Variants in CEP120 observed in about 807,000 individuals in gnomAD.
CEP120 encodes the protein centrosomal protein 120.
Under a neutral mutation model 126.5 loss-of-function variants are expected in CEP120, and 113 were observed. The ratio of observed to expected loss-of-function variants is 0.89; its 90% CI spans 0.77 to 1.04. CEP120 has a LOEUF of 1.04. CEP120 is among the 50% of genes least tolerant of loss of function. The pLI, the probability that CEP120 is intolerant of heterozygous loss-of-function variation, is 0.00. For synonymous variants in CEP120, 400 were observed against 394.3 expected (o/e 1.01, Z -0.17); for missense variants, 1,230 against 1,155.7 (o/e 1.06, Z -0.93).
intron 18 of CEP120, among the ~76,000 whole-genome samples, chr5:123,359,928 C>G (rs1204262080): frequency 6.6e-6 from 1 of 151,950 alleles, no homozygotes; most frequent in African/African-American, 2.4e-5. Context: ...CCAAGCTTTA[C>G]CAGCTGGGTT....
chr5:123,400,789 G>A (rs576093671), intron 4 of CEP120: 27 of 716,278 alleles, frequency 3.8e-5, no homozygotes, highest in East Asian at 2.9e-4. Context: ...ACTCCCCCGC[G>A]GGTGGACTGA....
In CEP120 at chr5:123,382,059, T is replaced by C. The variant is rs534974030; in HGVS notation, c.2103+52A>G. 60 of 1,221,600 alleles carry C rather than the reference T, an allele frequency of 4.9e-5. 1 individual carries two copies. Among genetic ancestry groups the C allele is most frequent in the South Asian group, 4.6e-4 (36 of 78,620 alleles). The allele number at this position is 1,221,600 out of a possible 1,614,324, so 75.7% of individuals were successfully genotyped here. On this transcript the variant is annotated intron_variant, in intron 14 of 19. Coordinates refer to ENST00000306467, the MANE Select transcript of CEP120 (RefSeq NM_001375405.1). ...GACTGTCTTTAACGCAAATACAAGA[T>C]ATTATCATTAATATTCTTCCTTCTC...
intron 2 of CEP120, among the ~76,000 whole-genome samples, chr5:123,417,394 TTAAA>T (rs1456211113): frequency 3.9e-5 from 6 of 152,304 alleles, no homozygotes; most frequent in South Asian, 4.1e-4. Context: ...TTTTTAATCC[TTAAA>T]TAAATAAGAG....
At chr5:123,385,201 C>G (rs1580690037) in intron 10 of CEP120, 68 bp from the exon 11 acceptor site, 1 of 1,279,884 alleles carries the variant, frequency 7.8e-7, no homozygotes, top group East Asian at 2.5e-5. Flanking sequence ...GAACTAAATT[C>G]TTTGAATTCC....
chr5:123,420,777 G>T (rs1774662801), intron 1 of CEP120, among the ~76,000 whole-genome samples: 1 of 152,144 alleles, frequency 6.6e-6, no homozygotes, highest in Admixed American at 6.5e-5. Context: ...CCCTTACCAA[G>T]GCACTCACAA....
At chr5:123,383,154 G>T in intron 11 of CEP120, 72 bp from the exon 12 acceptor site, 2 of 918,190 alleles carry the variant, frequency 2.2e-6, no homozygotes, top group Non-Finnish European at 3.3e-6. Context: ...TATTTCCCCA[G>T]TGCTTTAGCA....
At chr5:123,407,101 A>G in intron 4 of CEP120, among the ~76,000 whole-genome samples, 1 of 131,980 alleles carries the variant, frequency 7.6e-6, no homozygotes, top group South Asian at 2.6e-4. Context: ...AACCACTAAA[A>G]AAGTAAAAAA....
At chr5:123,392,715 G>T (rs1001536128) in intron 6 of CEP120, among the ~76,000 whole-genome samples, 1 of 152,042 alleles carries the variant, frequency 6.6e-6, no homozygotes, top group African/African-American at 2.4e-5. Context: ...TTGCTATGTT[G>T]CCCAGGCTAT....
At chr5:123,414,802 T>C (rs1774275645) in intron 3 of CEP120, among the ~76,000 whole-genome samples, 1 of 149,986 alleles carries the variant, frequency 6.7e-6, no homozygotes, top group Non-Finnish European at 1.5e-5. Context: ...CCGTCTCTAC[T>C]AAAAATTCAA....
At chr5:123,379,763 C>A (rs1250907649) in intron 14 of CEP120, among the ~76,000 whole-genome samples, 1 of 152,104 alleles carries the variant, frequency 6.6e-6, no homozygotes, top group Non-Finnish European at 1.5e-5. Flanking sequence ...CTTCCAACAT[C>A]AAACTACATA....
chr5:123,369,634 A>G (rs1433871349), intron 17 of CEP120, among the ~76,000 whole-genome samples: 1 of 151,910 alleles, frequency 6.6e-6, no homozygotes, highest in Non-Finnish European at 1.5e-5. Flanking sequence ...ATAACTTTTC[A>G]CATTGCTAGC....
At chr5:123,400,597 T>G (rs1773123722) in intron 4 of CEP120, among the ~76,000 whole-genome samples, 1 of 151,102 alleles carries the variant, frequency 6.6e-6, no homozygotes, top group Admixed American at 6.6e-5. Flanking sequence ...GCAGCATCAA[T>G]TCAGATATCA....
chr5:123,416,086 A>T lies in CEP120; in HGVS notation c.245T>A (p.Leu82Ter). ...RTPIKLQCFA[L>*]DPVTSAKETI... ...TTCCTTGGCTGAAGTTACAGGATCC[A>T]AGGCAAAACATTGGAGTTTGATAGG... The change falls in exon 3 of 20, where the codon TTG becomes TAG. Residue 82 changes from leucine to a stop codon, truncating the protein, a stop_gained. Transcript: ENST00000306467. LOFTEE classifies it high-confidence loss of function. 6.2e-7 allele frequency: 1 copy of T among 1,614,078 alleles called. No individual in the cohort carries two copies. Among genetic ancestry groups the T allele is most frequent in the Non-Finnish European group, 8.5e-7 (1 of 1,179,910 alleles).
At chr5:123,354,172 G>A (rs1190463876) in intron 18 of CEP120, among the ~76,000 whole-genome samples, 1 of 151,898 alleles carries the variant, frequency 6.6e-6, no homozygotes, top group African/African-American at 2.4e-5. Flanking sequence ...GTTTACCATG[G>A]GTTACGAGAA....
intron 6 of CEP120, 83 bp downstream of exon 6, chr5:123,393,217 T>C: frequency 1.7e-6 from 2 of 1,182,772 alleles, no homozygotes; most frequent in Non-Finnish European, 2.5e-6. Flanking sequence ...TAAGTTTAGG[T>C]ACTAAACTCT....
At chr5:123,399,315 T>A in intron 4 of CEP120, 31 bp from the exon 5 acceptor site, 5 of 1,595,200 alleles carry the variant, frequency 3.1e-6, no homozygotes, top group Non-Finnish European at 3.4e-6. Flanking sequence ...TTAAACTACA[T>A]TGTAGTTTGT....
rs1768769260 is a variant in CEP120, at chr5:123,345,763, A to G, written c.*756T>C. 6.6e-6 allele frequency: 1 copy of G among 152,156 alleles called. No homozygotes were observed. Among genetic ancestry groups the G allele is most frequent in the South Asian group, 2.1e-4 (1 of 4,820 alleles). The allele number at this position is 152,156 out of a possible 1,614,324, so 9.4% of individuals were successfully genotyped here. ...GTTCTATTACAGAGGGTTTAAGCTG[A>G]CAGCTAGTATTACTATAACTGGAAA... On this transcript the variant is annotated 3_prime_UTR_variant, in exon 20 of 20. Transcript: ENST00000306467.
intron 3 of CEP120, 47 bp downstream of exon 3, chr5:123,415,963 A>G: frequency 8.1e-7 from 1 of 1,231,560 alleles, no homozygotes; most frequent in Non-Finnish European, 1.2e-6. Flanking sequence ...ACTGAAAATA[A>G]TCGACTGTCT....
chr5:123,422,724 G>A (rs1001937114), intron 1 of CEP120: 4 of 697,038 alleles, frequency 5.7e-6, no homozygotes, highest in East Asian at 2.7e-5. Context: ...CTGGGGCTAC[G>A]GCTAGTCACG....
Sources: gnomAD v4.1 joint callset for allele counts (sites outside exome capture counted in the v4.1 genomes callset) on GRCh38, gnomAD v4.1.1 for gene constraint, MANE v1.5 for transcripts, NCBI Gene and HGNC (gene_info 2026-07-23, HGNC 2026-07-21) for gene names.